The following PCDH9 variants were observed in gnomAD, a reference collection of about 807,000 sequenced individuals.
PCDH9 encodes protocadherin-9.
In PCDH9, 24 loss-of-function variants were observed where a neutral mutation model predicts 70.6. The ratio of observed to expected loss-of-function variants is 0.34; its 90% CI spans 0.25 to 0.48. PCDH9 has a LOEUF of 0.48. Among genes scored for constraint, PCDH9 ranks in the 20% least tolerant of loss-of-function variants. The probability of loss-of-function intolerance (pLI) is 0.99; values close to 1 mark genes in which losing one functional copy is unlikely to be tolerated. For synonymous variants in PCDH9, 562 were observed against 558.5 expected (o/e 1.01, Z -0.09); for missense variants, 1,281 against 1,503.6 (o/e 0.85, Z 2.45).
intron 2 of PCDH9, chr13:67,221,704 A>C (rs895215252): frequency 6.6e-6 from 1 of 152,042 alleles, no homozygotes; most frequent in Non-Finnish European, 1.5e-5. Flanking sequence ...TCCCACCCCC[A>C]AAAAACCACA....
chr13:66,487,125 T>C (rs1369926174), intron 4 of PCDH9, among the ~76,000 whole-genome samples: 2 of 152,210 alleles, frequency 1.3e-5, no homozygotes, highest in African/African-American at 4.8e-5. Flanking sequence ...TAACAATAAA[T>C]ATATGCATTT....
intron 4 of PCDH9, among the ~76,000 whole-genome samples, chr13:66,578,689 A>C (rs2076848869): frequency 6.6e-6 from 1 of 152,122 alleles, no homozygotes; most frequent in African/African-American, 2.4e-5. Flanking sequence ...AAAAAGAAAA[A>C]GTCAGGCTTT....
intron 4 of PCDH9, among the ~76,000 whole-genome samples, chr13:66,419,069 A>T (rs1376630472): frequency 6.6e-6 from 1 of 152,150 alleles, no homozygotes; most frequent in Non-Finnish European, 1.5e-5. Flanking sequence ...CAGACCAGTA[A>T]CAGGCTCTGA....
chr13:66,876,557 C>T (rs2081815075), intron 3 of PCDH9, among the ~76,000 whole-genome samples: 1 of 152,126 alleles, frequency 6.6e-6, no homozygotes, highest in East Asian at 1.9e-4. Context: ...TATCCAATGT[C>T]AGATATTTGA....
intron 4 of PCDH9, among the ~76,000 whole-genome samples, chr13:66,332,790 G>T (rs1475467442): frequency 1.3e-5 from 2 of 151,166 alleles, no homozygotes; most frequent in African/African-American, 4.9e-5. Flanking sequence ...ACACTGTTTA[G>T]CACAACTCTA....
intron 4 of PCDH9, among the ~76,000 whole-genome samples, chr13:66,444,695 G>A (rs1378538069): frequency 6.6e-6 from 1 of 151,976 alleles, no homozygotes; most frequent in African/African-American, 2.4e-5. Flanking sequence ...CGAGGAGCTG[G>A]GACTATAGGC....
At chr13:66,465,832 T>G (rs1032065820) in intron 4 of PCDH9, among the ~76,000 whole-genome samples, 5 of 151,928 alleles carry the variant, frequency 3.3e-5, no homozygotes, top group Admixed American at 6.6e-5. Flanking sequence ...ATAAAATGTT[T>G]TATTAAAATA....
intron 4 of PCDH9, among the ~76,000 whole-genome samples, chr13:66,322,704 A>G (rs1955776599): frequency 1.3e-5 from 2 of 152,026 alleles, no homozygotes; most frequent in East Asian, 3.9e-4. Context: ...GAAATTATAT[A>G]CTCTAAGAAT....
intron 2 of PCDH9, chr13:67,207,864 T>C (rs1593621647): frequency 6.6e-6 from 1 of 152,320 alleles, no homozygotes; most frequent in Non-Finnish European, 1.5e-5. Flanking sequence ...ATTAGCTTTT[T>C]CCCTATATAG....
intron 2 of PCDH9, among the ~76,000 whole-genome samples, chr13:67,154,385 C>T (rs1203520170): frequency 6.6e-6 from 1 of 151,812 alleles, no homozygotes; most frequent in African/African-American, 2.4e-5. Flanking sequence ...GGTGGATCGC[C>T]TGGGCAACAT....
At chr13:66,978,585 C>G (rs1468101552) in intron 2 of PCDH9, 1 of 151,170 alleles carries the variant, frequency 6.6e-6, no homozygotes, top group African/African-American at 2.4e-5. Flanking sequence ...ATTCAGACTT[C>G]TTTTGTAGAA....
intron 3 of PCDH9, among the ~76,000 whole-genome samples, chr13:66,702,758 A>G (rs560957549): frequency 2.6e-5 from 4 of 152,320 alleles, no homozygotes; most frequent in South Asian, 2.1e-4. Flanking sequence ...AAATATATCA[A>G]TGTGCTATGA....
intron 4 of PCDH9, among the ~76,000 whole-genome samples, chr13:66,500,009 C>T (rs1052181954): frequency 6.6e-6 from 1 of 152,166 alleles, no homozygotes; most frequent in Non-Finnish European, 1.5e-5. Flanking sequence ...CTTGTACAGC[C>T]TGCAGAAACT....
chr13:66,407,922 T>C (rs1007862460), intron 4 of PCDH9, among the ~76,000 whole-genome samples: 1 of 152,216 alleles, frequency 6.6e-6, no homozygotes, highest in Non-Finnish European at 1.5e-5. Context: ...ATTTTAAACA[T>C]TGTTAAAGAA....
chr13:67,089,105 TA>T (rs1179123863), intron 2 of PCDH9, among the ~76,000 whole-genome samples: 1 of 152,016 alleles, frequency 6.6e-6, no homozygotes, highest in East Asian at 1.9e-4. Flanking sequence ...TTAGGAAAGG[TA>T]AAGGTCATTA....
chr13:67,005,660 C>A (rs1370811858), intron 2 of PCDH9, among the ~76,000 whole-genome samples: 6 of 152,180 alleles, frequency 3.9e-5, no homozygotes, highest in Non-Finnish European at 5.9e-5. Context: ...AATGGCAATG[C>A]ATACATTTTA....
At chr13:66,398,697 C>G (rs146287806) in intron 4 of PCDH9, among the ~76,000 whole-genome samples, 274 of 152,220 alleles carry the variant, frequency 1.8e-3, no homozygotes, top group Admixed American at 0.012. Context: ...CTATTCATGT[C>G]AATCACCAGA....
chr13:67,194,280 C>G (rs1186125131), intron 2 of PCDH9, among the ~76,000 whole-genome samples: 5 of 152,080 alleles, frequency 3.3e-5, no homozygotes, highest in Middle Eastern at 3.4e-3. Flanking sequence ...TTGATTCACT[C>G]ATAAAATCAT....
chr13:67,124,434 T>C (rs889246712), intron 2 of PCDH9, among the ~76,000 whole-genome samples: 3 of 152,154 alleles, frequency 2.0e-5, no homozygotes, highest in Non-Finnish European at 4.4e-5. Context: ...AGAATATAAA[T>C]AACCTGTTCT....
Sources: allele counts gnomAD v4.1 joint callset (sites outside exome capture counted in the v4.1 genomes callset), GRCh38; gene constraint gnomAD v4.1.1; transcripts MANE v1.5; gene names NCBI Gene and HGNC (gene_info 2026-07-23, HGNC 2026-07-21).